The following HECW1 variants were observed in gnomAD, a reference collection of about 807,000 sequenced individuals.
HECW1 encodes E3 ubiquitin-protein ligase HECW1.
HECW1 carries 61 observed loss-of-function variants against 182.3 expected under a neutral mutation model. The observed-to-expected ratio is 0.33, with a 90% confidence interval of 0.27 to 0.41. The LOEUF (loss-of-function observed/expected upper bound fraction) is 0.41. Ranked by LOEUF, HECW1 falls within the 10% of genes least tolerant of loss-of-function variation. The pLI, the probability that HECW1 is intolerant of heterozygous loss-of-function variation, is 1.00. For missense variants in HECW1, 1,739 were observed against 2,108.9 expected (o/e 0.82, Z 3.44); for synonymous variants, 859 against 832.6 (o/e 1.03, Z -0.55).
At chr7:43,339,578 T>G (rs1360200029) in intron 5 of HECW1, among the ~76,000 whole-genome samples, 1 of 152,244 alleles carries the variant, frequency 6.6e-6, no homozygotes, top group African/African-American at 2.4e-5. Context: ...TCTGTTTCCC[T>G]GCTTCTATCT....
At chr7:43,339,455 G>T (rs1405053416) in intron 5 of HECW1, among the ~76,000 whole-genome samples, 2 of 152,008 alleles carry the variant, frequency 1.3e-5, no homozygotes, top group African/African-American at 4.8e-5. Flanking sequence ...ATCCTCATTT[G>T]ATTCTTTTCT....
At chr7:43,341,290 C>T (rs1355869736) in intron 5 of HECW1, among the ~76,000 whole-genome samples, 1 of 150,586 alleles carries the variant, frequency 6.6e-6, no homozygotes, top group Non-Finnish European at 1.5e-5. Flanking sequence ...GCACATGTAC[C>T]CTAGAACTTA....
chr7:43,242,703 G>A (rs940129999), intron 2 of HECW1, among the ~76,000 whole-genome samples: 7 of 152,124 alleles, frequency 4.6e-5, no homozygotes, highest in Middle Eastern at 3.2e-3. Context: ...TCCTTCTTGC[G>A]TCTTTTCCTA....
chr7:43,401,180 G>C (rs368278470), intron 7 of HECW1, among the ~76,000 whole-genome samples: 1 of 152,208 alleles, frequency 6.6e-6, no homozygotes, highest in African/African-American at 2.4e-5. Context: ...TCTGTCTACC[G>C]CAGTCAAGAA....
intron 5 of HECW1, among the ~76,000 whole-genome samples, chr7:43,347,805 A>G (rs1813874895): frequency 6.6e-6 from 1 of 152,140 alleles, no homozygotes; most frequent in Admixed American, 6.5e-5. Flanking sequence ...AATTCTGTTT[A>G]TGTGGTATAT....
intron 3 of HECW1, among the ~76,000 whole-genome samples, chr7:43,262,950 A>G (rs1262675114): frequency 1.3e-5 from 2 of 152,198 alleles, no homozygotes; most frequent in East Asian, 1.9e-4. Flanking sequence ...GAACAGTCAC[A>G]TCACATGTCT....
intron 3 of HECW1, among the ~76,000 whole-genome samples, chr7:43,244,218 T>C (rs1011679604): frequency 1.3e-4 from 20 of 152,344 alleles, no homozygotes; most frequent in Middle Eastern, 3.4e-3. Flanking sequence ...CCTGGAAACA[T>C]TCTATGATGC....
chr7:43,384,580 C>G (rs1169663323), intron 6 of HECW1, among the ~76,000 whole-genome samples: 1 of 152,078 alleles, frequency 6.6e-6, no homozygotes, highest in African/African-American at 2.4e-5. Context: ...GATGGGAATA[C>G]AACTTAGAAA....
chr7:43,313,237 C>T (rs1308722527), intron 4 of HECW1, among the ~76,000 whole-genome samples: 1 of 151,390 alleles, frequency 6.6e-6, no homozygotes, highest in Non-Finnish European at 1.5e-5. Context: ...ACTGGATTTC[C>T]AAAAGTTAAA....
At chr7:43,367,724 A>G (rs548586988) in intron 6 of HECW1, among the ~76,000 whole-genome samples, 10 of 152,302 alleles carry the variant, frequency 6.6e-5, no homozygotes, top group Non-Finnish European at 1.3e-4. Context: ...GACTATTGTT[A>G]ACTTTTAAAC....
intron 11 of HECW1, among the ~76,000 whole-genome samples, chr7:43,449,952 A>G (rs1289048710): frequency 6.6e-6 from 1 of 152,244 alleles, no homozygotes. Context: ...TCAGTTCATT[A>G]TAAGTCCGAA....
chr7:43,462,512 A>G (rs12534681), intron 13 of HECW1, among the ~76,000 whole-genome samples: 30,627 of 151,582 alleles, frequency 0.2, 3,235 homozygotes, highest in Middle Eastern at 0.31. Context: ...AAGAGAAAAG[A>G]AAAAAGAAAT....
intron 2 of HECW1, among the ~76,000 whole-genome samples, chr7:43,127,394 A>G (rs962649994): frequency 1.3e-4 from 20 of 152,170 alleles, no homozygotes; most frequent in Admixed American, 1.3e-3. Flanking sequence ...GTGGTGGCGC[A>G]TGCCTGTAAT....
At chr7:43,118,252 C>T (rs1260852674) in intron 2 of HECW1, 1 of 152,606 alleles carries the variant, frequency 6.6e-6, no homozygotes, top group East Asian at 1.9e-4. Flanking sequence ...GATCAAAATT[C>T]ACATCCATGG....
chr7:43,462,163 A>G (rs538102846), intron 13 of HECW1, among the ~76,000 whole-genome samples: 1 of 152,172 alleles, frequency 6.6e-6, no homozygotes, highest in African/African-American at 2.4e-5. Flanking sequence ...GAGACAGGCT[A>G]TTCCCTGCTA....
intron 24 of HECW1, among the ~76,000 whole-genome samples, chr7:43,524,396 A>G (rs557623327): frequency 1.3e-5 from 2 of 152,348 alleles, no homozygotes; most frequent in African/African-American, 2.4e-5. Context: ...GCATGGAAAC[A>G]TACATTGTGT....
intron 5 of HECW1, among the ~76,000 whole-genome samples, chr7:43,321,982 T>C (rs951476845): frequency 3.3e-5 from 5 of 152,226 alleles, no homozygotes; most frequent in Non-Finnish European, 5.9e-5. Context: ...TTTTATGCTA[T>C]CAGGGTGTAG....
At chr7:43,308,044 TTA>T (rs1562812628) in intron 3 of HECW1, among the ~76,000 whole-genome samples, 1 of 112,928 alleles carries the variant, frequency 8.9e-6, no homozygotes, top group Non-Finnish European at 1.7e-5. Context: ...TTATATTGTA[TTA>T]TATATAATAC....
chr7:43,412,281 TCA>T (rs1348886030), intron 8 of HECW1, among the ~76,000 whole-genome samples: 4 of 152,068 alleles, frequency 2.6e-5, no homozygotes, highest in Non-Finnish European at 4.4e-5. Context: ...ATTATATATA[TCA>T]CATTGTATAT....
Sources: gnomAD v4.1 joint callset for allele counts (sites outside exome capture counted in the v4.1 genomes callset) on GRCh38, gnomAD v4.1.1 for gene constraint, MANE v1.5 for transcripts, NCBI Gene and HGNC (gene_info 2026-07-23, HGNC 2026-07-21) for gene names.